The following CSMD1 variants were observed in gnomAD, a reference collection of about 807,000 sequenced individuals.
The protein encoded by CSMD1 is CUB and Sushi multiple domains 1.
Under a neutral mutation model 417.5 loss-of-function variants are expected in CSMD1, and 213 were observed. That is an observed-to-expected ratio of 0.51 (90% CI 0.46 to 0.57). The LOEUF is 0.57. Ranked by LOEUF, CSMD1 falls within the 20% of genes least tolerant of loss-of-function variation. CSMD1 has a pLI of 0.00. For synonymous variants in CSMD1, 2,862 were observed against 1,736.8 expected, an observed-to-expected ratio of 1.65 and a Z score of -16.11; for missense variants, 6,923 against 4,529.7, an observed-to-expected ratio of 1.53 and a Z score of -15.17.
intron 3 of CSMD1, among the ~76,000 whole-genome samples, chr8:4,247,371 A>C (rs1700099): frequency 2.0e-5 from 3 of 151,954 alleles, no homozygotes; most frequent in East Asian, 3.9e-4. Context: ...CTTACGAGTA[A>C]GGTAGAGTCA....
chr8:3,002,119 G>A (rs1041381134), intron 52 of CSMD1, among the ~76,000 whole-genome samples: 4 of 152,124 alleles, frequency 2.6e-5, no homozygotes, highest in African/African-American at 7.2e-5. Context: ...CCAGTCAATC[G>A]GATCAATAAG....
At chr8:3,851,567 C>T (rs763559381) in intron 5 of CSMD1, among the ~76,000 whole-genome samples, 1 of 152,166 alleles carries the variant, frequency 6.6e-6, no homozygotes, top group East Asian at 1.9e-4. Context: ...GCAGCAACTC[C>T]CTGCTGCAGG....
intron 26 of CSMD1, among the ~76,000 whole-genome samples, chr8:3,280,203 A>C (rs1365793504): frequency 7.9e-6 from 1 of 126,470 alleles, no homozygotes; most frequent in Non-Finnish European, 1.9e-5. Context: ...CAGAGTAGTT[A>C]AAGGAAGAGA....
intron 10 of CSMD1, among the ~76,000 whole-genome samples, chr8:3,550,707 C>T (rs11992421): frequency 0.049 from 7,404 of 152,264 alleles, 349 homozygotes; most frequent in East Asian, 0.11. Context: ...GTTTGCTTGC[C>T]TATTTTCCAC....
At chr8:4,117,271 T>C (rs879704237) in intron 3 of CSMD1, among the ~76,000 whole-genome samples, 6 of 151,424 alleles carry the variant, frequency 4.0e-5, no homozygotes, top group African/African-American at 1.5e-4. Flanking sequence ...CCCAAGGAAC[T>C]CACTCGAAGC....
chr8:4,104,301 C>G (rs1359052505), intron 3 of CSMD1, among the ~76,000 whole-genome samples: 6 of 152,208 alleles, frequency 3.9e-5, no homozygotes, highest in Admixed American at 3.3e-4. Context: ...CACCCATGTG[C>G]AAGGATTGGT....
intron 38 of CSMD1, among the ~76,000 whole-genome samples, chr8:3,158,959 T>C (rs1255771670): frequency 6.6e-6 from 1 of 152,196 alleles, no homozygotes; most frequent in Non-Finnish European, 1.5e-5. Flanking sequence ...CTCTCAAACA[T>C]TTCATACTCA....
intron 2 of CSMD1, among the ~76,000 whole-genome samples, chr8:4,447,362 G>A (rs1011509210): frequency 6.6e-6 from 1 of 152,138 alleles, no homozygotes; most frequent in Non-Finnish European, 1.5e-5. Context: ...AAGTTAAGAG[G>A]AAATAGAAAT....
intron 3 of CSMD1, among the ~76,000 whole-genome samples, chr8:4,367,866 G>A (rs953873859): frequency 1.1e-4 from 17 of 151,972 alleles, no homozygotes; most frequent in Admixed American, 7.9e-4. Context: ...GCTTCGATAG[G>A]GTATAGAAAT....
intron 50 of CSMD1, among the ~76,000 whole-genome samples, chr8:3,042,284 T>A (rs1778156077): frequency 6.6e-6 from 1 of 152,098 alleles, no homozygotes; most frequent in Admixed American, 6.6e-5. Flanking sequence ...GACTCGTGCA[T>A]CTCCTTAGCT....
chr8:4,914,969 T>G (rs185408572), intron 1 of CSMD1, among the ~76,000 whole-genome samples: 2 of 152,290 alleles, frequency 1.3e-5, no homozygotes, highest in African/African-American at 4.8e-5. Context: ...CGCATTCCGT[T>G]TCATGTGAAA....
chr8:3,236,121 T>C (rs1379798150), intron 26 of CSMD1, among the ~76,000 whole-genome samples: 2 of 151,954 alleles, frequency 1.3e-5, no homozygotes, highest in Non-Finnish European at 2.9e-5. Context: ...GGTTTCACCA[T>C]GTTAGCCAGG....
At chr8:4,745,953 A>T (rs1048709968) in intron 1 of CSMD1, among the ~76,000 whole-genome samples, 21 of 152,302 alleles carry the variant, frequency 1.4e-4, no homozygotes, top group African/African-American at 3.8e-4. Context: ...TTGGTATCTC[A>T]TCGGTACGCT....
At chr8:3,100,589 C>T (rs1238792346) in intron 46 of CSMD1, among the ~76,000 whole-genome samples, 1 of 152,172 alleles carries the variant, frequency 6.6e-6, no homozygotes, top group Non-Finnish European at 1.5e-5. Flanking sequence ...AGGGGAGCAC[C>T]TGTCAAAAAC....
At chr8:4,394,474 C>G (rs998179526) in intron 3 of CSMD1, among the ~76,000 whole-genome samples, 1 of 152,148 alleles carries the variant, frequency 6.6e-6, no homozygotes, top group Non-Finnish European at 1.5e-5. Flanking sequence ...TGCTCAGGTT[C>G]TCTCCCTTCT....
chr8:4,459,170 C>G (rs139311797), intron 2 of CSMD1, among the ~76,000 whole-genome samples: 101 of 152,326 alleles, frequency 6.6e-4, no homozygotes, highest in African/African-American at 2.4e-3. Context: ...AAAGGATAAA[C>G]TGCAGATGAG....
intron 1 of CSMD1, among the ~76,000 whole-genome samples, chr8:4,680,479 C>G (rs1439750518): frequency 2.0e-5 from 3 of 152,118 alleles, no homozygotes; most frequent in Admixed American, 1.3e-4. Flanking sequence ...CTTGATGACA[C>G]TGGGCAGATG....
chr8:4,921,453 A>C (rs529554303), intron 1 of CSMD1, among the ~76,000 whole-genome samples: 10 of 152,226 alleles, frequency 6.6e-5, no homozygotes, highest in Non-Finnish European at 1.2e-4. Flanking sequence ...AAAGATAAGA[A>C]TGTCTTTATA....
intron 2 of CSMD1, among the ~76,000 whole-genome samples, chr8:4,559,829 C>A (rs190636177): frequency 6.2e-4 from 95 of 152,348 alleles, no homozygotes; most frequent in Non-Finnish European, 1.0e-3. Flanking sequence ...TCGTGAAATT[C>A]TATTCATCTT....
Sources: gnomAD v4.1 joint callset for allele counts (sites outside exome capture counted in the v4.1 genomes callset) on GRCh38, gnomAD v4.1.1 for gene constraint, MANE v1.5 for transcripts, NCBI Gene and HGNC (gene_info 2026-07-23, HGNC 2026-07-21) for gene names.